ABLIM1: variants seen among roughly 807,000 people sequenced by gnomAD.
ABLIM1 encodes actin binding LIM protein 1.
Under a neutral mutation model 107.0 loss-of-function variants are expected in ABLIM1, and 40 were observed. That is an observed-to-expected ratio of 0.37 (90% confidence interval 0.29 to 0.49). The LOEUF (loss-of-function observed/expected upper bound fraction) is 0.49. Among genes scored for constraint, ABLIM1 ranks in the 20% least tolerant of loss-of-function variants. ABLIM1 has a pLI of 0.97. For synonymous variants in ABLIM1, 357 were observed against 357.3 expected (o/e 1.00, Z 0.01); for missense variants, 857 against 1,008.5 (o/e 0.85, Z 2.04).
At chr10:114,787,517 TC>T in the ABLIM1 span, among the ~76,000 whole-genome samples, 6 of 127,872 alleles carry the variant, frequency 4.7e-5, no homozygotes, top group Admixed American at 8.0e-5. Context: ...AGCCGCCCTG[TC>T]CGGGAGGGAG....
intron 2 of ABLIM1, among the ~76,000 whole-genome samples, chr10:114,584,997 C>G (rs2074026935): frequency 6.7e-6 from 1 of 149,732 alleles, no homozygotes; most frequent in Admixed American, 6.6e-5. Context: ...AATAAATATT[C>G]TCACTCAGTT....
intron 1 of ABLIM1, among the ~76,000 whole-genome samples, chr10:114,677,287 C>A (rs895626547): frequency 6.6e-6 from 1 of 152,190 alleles, no homozygotes; most frequent in African/African-American, 2.4e-5. Context: ...AAACAATCCC[C>A]CTCACGCCCC....
chr10:114,569,592 A>G (rs2071346372), intron 4 of ABLIM1, among the ~76,000 whole-genome samples: 1 of 152,196 alleles, frequency 6.6e-6, no homozygotes, highest in Non-Finnish European at 1.5e-5. Context: ...TGCTGGGATT[A>G]CAGGGCCTCT....
chr10:114,582,530 C>CA (rs1431562166), intron 2 of ABLIM1, among the ~76,000 whole-genome samples: 3 of 151,932 alleles, frequency 2.0e-5, no homozygotes, highest in Non-Finnish European at 2.9e-5. Context: ...CATATGGAAC[C>CA]AAAAAAGAGC....
At chr10:114,709,824 T>C (rs2081508384) in intron 1 of ABLIM1, among the ~76,000 whole-genome samples, 1 of 152,244 alleles carries the variant, frequency 6.6e-6, no homozygotes, top group Non-Finnish European at 1.5e-5. Flanking sequence ...TTTTGAAATG[T>C]TGTCATTTGT....
At chr10:114,633,876 C>A (rs1243505010) in intron 1 of ABLIM1, among the ~76,000 whole-genome samples, 1 of 152,066 alleles carries the variant, frequency 6.6e-6, no homozygotes, top group African/African-American at 2.4e-5. Context: ...GCAGGTGAAT[C>A]TATTTTATTA....
the ABLIM1 span, among the ~76,000 whole-genome samples, chr10:114,800,642 G>A: frequency 0.015 from 2,238 of 152,308 alleles, 29 homozygotes; most frequent in Middle Eastern, 0.034. Flanking sequence ...GCTGGGCATG[G>A]TGGCTAATAC....
intron 2 of ABLIM1, among the ~76,000 whole-genome samples, chr10:114,594,786 A>C (rs2075255405): frequency 6.6e-6 from 1 of 152,140 alleles, no homozygotes; most frequent in African/African-American, 2.4e-5. Flanking sequence ...ATGAATAACC[A>C]AGTTCTAAAT....
chr10:114,487,359 G>C (rs1170092100), intron 8 of ABLIM1, among the ~76,000 whole-genome samples: 2 of 152,162 alleles, frequency 1.3e-5, no homozygotes, highest in African/African-American at 4.8e-5. Context: ...ATCTGAACAG[G>C]ACAGAGATTA....
chr10:114,507,898 T>G (rs1421842388), intron 6 of ABLIM1, among the ~76,000 whole-genome samples: 1 of 152,044 alleles, frequency 6.6e-6, no homozygotes, highest in Non-Finnish European at 1.5e-5. Flanking sequence ...AGTTCTGGAG[T>G]AAAGGCATCC....
intron 8 of ABLIM1, 47 bp downstream of exon 8, chr10:114,487,911 T>C (rs375251622): frequency 2.5e-6 from 4 of 1,603,536 alleles, no homozygotes; most frequent in Non-Finnish European, 2.6e-6. Context: ...ACCACGAGCG[T>C]ATGGCCTACA....
intron 1 of ABLIM1, among the ~76,000 whole-genome samples, chr10:114,751,853 A>C (rs1304357216): frequency 1.3e-5 from 2 of 152,188 alleles, no homozygotes; most frequent in African/African-American, 4.8e-5. Flanking sequence ...TTTCACTAAC[A>C]AACTTTTCAT....
At chr10:114,546,037 C>T (rs1448001220) in intron 5 of ABLIM1, among the ~76,000 whole-genome samples, 3 of 151,798 alleles carry the variant, frequency 2.0e-5, no homozygotes, top group Non-Finnish European at 4.4e-5. Flanking sequence ...AGCCTCTGAA[C>T]AGCCTGCAGA....
At chr10:114,743,779 G>T (rs1212870552) in intron 1 of ABLIM1, among the ~76,000 whole-genome samples, 1 of 152,184 alleles carries the variant, frequency 6.6e-6, no homozygotes, top group Non-Finnish European at 1.5e-5. Flanking sequence ...TGTAAGGGTT[G>T]ATATGCAGGG....
At chr10:114,749,489 A>ACACCACG (rs1566301221) in intron 1 of ABLIM1, among the ~76,000 whole-genome samples, 9 of 96,748 alleles carry the variant, frequency 9.3e-5, no homozygotes, top group Non-Finnish European at 2.3e-4. Context: ...CACACACCAC[A>ACACCACG]AAACCCAGAG....
chr10:114,443,770 C>T (rs2060586766), intron 17 of ABLIM1, among the ~76,000 whole-genome samples: 1 of 149,894 alleles, frequency 6.7e-6, no homozygotes, highest in South Asian at 2.1e-4. Context: ...TTCTAGAAGA[C>T]AAACCTAGTA....
chr10:114,777,180 A>G, the ABLIM1 span, among the ~76,000 whole-genome samples: 1 of 151,996 alleles, frequency 6.6e-6, no homozygotes, highest in Non-Finnish European at 1.5e-5. Context: ...CCTCAAATAG[A>G]TTAACTCTTT....
At chr10:114,759,317 G>C (rs2082695566) in intron 1 of ABLIM1, among the ~76,000 whole-genome samples, 1 of 152,116 alleles carries the variant, frequency 6.6e-6, no homozygotes, top group Non-Finnish European at 1.5e-5. Flanking sequence ...TGAGTCCAAA[G>C]ATAACCACAG....
chr10:114,650,924 C>T (rs747514904), intron 1 of ABLIM1, among the ~76,000 whole-genome samples: 3 of 152,158 alleles, frequency 2.0e-5, no homozygotes, highest in East Asian at 3.8e-4. Context: ...TCTTAGGGCT[C>T]ATAATACCGC....
Sources: allele counts gnomAD v4.1 joint callset (sites outside exome capture counted in the v4.1 genomes callset), GRCh38; gene constraint gnomAD v4.1.1; transcripts MANE v1.5; gene names NCBI Gene and HGNC (gene_info 2026-07-23, HGNC 2026-07-21).